SCHIP1: variants seen among roughly 807,000 people sequenced by gnomAD.
The protein encoded by SCHIP1 is schwannomin-interacting protein 1.
Under a neutral mutation model 29.7 loss-of-function variants are expected in SCHIP1, and 8 were observed. That is an observed-to-expected ratio of 0.27 (90% CI 0.16 to 0.49). SCHIP1 has a LOEUF of 0.49. Ranked by LOEUF, SCHIP1 falls within the 20% of genes least tolerant of loss-of-function variation. SCHIP1 has a pLI of 0.99. For synonymous variants in SCHIP1, 76 were observed against 94.9 expected (o/e 0.80, Z 1.16); for missense variants, 193 against 294.6 (o/e 0.66, Z 2.52).
chr3:159,452,479 C>G, the SCHIP1 span, among the ~76,000 whole-genome samples: 214 of 152,320 alleles, frequency 1.4e-3, no homozygotes, highest in African/African-American at 4.9e-3. Context: ...AGGACATGAA[C>G]TCATTCTTTT....
the SCHIP1 span, among the ~76,000 whole-genome samples, chr3:159,345,554 T>TTC: frequency 3.7e-3 from 349 of 93,478 alleles, 2 homozygotes; most frequent in Middle Eastern, 0.02. Context: ...GTGTCTCTCT[T>TTC]TCTCTCTCTC....
chr3:159,289,646 T>C, the SCHIP1 span, among the ~76,000 whole-genome samples: 2 of 152,196 alleles, frequency 1.3e-5, no homozygotes, highest in Non-Finnish European at 1.5e-5. Flanking sequence ...ATTTTACTTG[T>C]TTATATTGTT....
At chr3:159,543,631 G>T in the SCHIP1 span, among the ~76,000 whole-genome samples, 1 of 151,458 alleles carries the variant, frequency 6.6e-6, no homozygotes, top group Non-Finnish European at 1.5e-5. Context: ...TGGACATTTG[G>T]GTTGGTTCCA....
At chr3:159,294,927 A>G in the SCHIP1 span, among the ~76,000 whole-genome samples, 2 of 152,102 alleles carry the variant, frequency 1.3e-5, no homozygotes, top group African/African-American at 4.8e-5. Flanking sequence ...CTTAGAGTGG[A>G]TCAGAATCAG....
chr3:159,307,970 C>T, the SCHIP1 span, among the ~76,000 whole-genome samples: 7 of 152,004 alleles, frequency 4.6e-5, no homozygotes, highest in Non-Finnish European at 5.9e-5. Context: ...GTTTTGGTTA[C>T]GGTGGCTTTA....
the SCHIP1 span, among the ~76,000 whole-genome samples, chr3:159,549,399 C>T: frequency 3.3e-5 from 5 of 152,212 alleles, no homozygotes; most frequent in Middle Eastern, 3.4e-3. Flanking sequence ...CTAACCTCCT[C>T]GTGTGGCTTT....
the SCHIP1 span, among the ~76,000 whole-genome samples, chr3:159,503,536 G>T: frequency 4.7e-4 from 71 of 152,226 alleles, no homozygotes; most frequent in African/African-American, 1.6e-3. Context: ...GACAGTAAAA[G>T]CCATGAGGGG....
chr3:159,634,338 G>T, the SCHIP1 span, among the ~76,000 whole-genome samples: 14 of 152,072 alleles, frequency 9.2e-5, no homozygotes, highest in African/African-American at 3.4e-4. Flanking sequence ...AAGAAAAAAA[G>T]AAATAAACTA....
the SCHIP1 span, among the ~76,000 whole-genome samples, chr3:159,552,433 G>A: frequency 1.3e-5 from 2 of 151,868 alleles, no homozygotes; most frequent in Admixed American, 1.3e-4. Flanking sequence ...TTACTCTCTG[G>A]AAATGAATGA....
chr3:159,771,075 ATG>A, the SCHIP1 span, among the ~76,000 whole-genome samples: 3 of 152,220 alleles, frequency 2.0e-5, no homozygotes, highest in Admixed American at 1.3e-4. Context: ...CTTGAAAATA[ATG>A]TGTCTTTTTA....
chr3:159,396,013 G>T, the SCHIP1 span, among the ~76,000 whole-genome samples: 1 of 151,772 alleles, frequency 6.6e-6, no homozygotes, highest in African/African-American at 2.4e-5. Flanking sequence ...CCTGTGTTGG[G>T]TGCATATATA....
the SCHIP1 span, among the ~76,000 whole-genome samples, chr3:159,604,495 TCTGTGCCAGGCA>T: frequency 5.3e-5 from 8 of 152,186 alleles, no homozygotes; most frequent in Non-Finnish European, 1.2e-4. Context: ...GAGTGGCTTC[TCTGTGCCAGGCA>T]CTGTGCCAGG....
chr3:159,691,500 C>T, the SCHIP1 span, among the ~76,000 whole-genome samples: 1 of 150,094 alleles, frequency 6.7e-6, no homozygotes, highest in African/African-American at 2.5e-5. Context: ...TATCTTTGCA[C>T]CTGAGATGGG....
chr3:159,487,403 C>T, the SCHIP1 span, among the ~76,000 whole-genome samples: 1 of 151,998 alleles, frequency 6.6e-6, no homozygotes, highest in African/African-American at 2.4e-5. Context: ...TTTGGATGTT[C>T]CCCACATTGG....
the SCHIP1 span, among the ~76,000 whole-genome samples, chr3:159,735,286 G>A: frequency 6.6e-6 from 1 of 150,698 alleles, no homozygotes. Flanking sequence ...CTGGAGTGCA[G>A]TGGTGTTATC....
At chr3:159,863,210 C>T (rs144981966) in intron 1 of SCHIP1, among the ~76,000 whole-genome samples, 2 of 152,052 alleles carry the variant, frequency 1.3e-5, no homozygotes, top group African/African-American at 2.4e-5. Flanking sequence ...CGTAGTGGCG[C>T]GAGCCTGTAG....
chr3:159,497,690 G>A, the SCHIP1 span, among the ~76,000 whole-genome samples: 1 of 151,814 alleles, frequency 6.6e-6, no homozygotes, highest in Non-Finnish European at 1.5e-5. Context: ...AGCGAAAGAG[G>A]AAGAATGGAA....
At chr3:159,844,828 T>G (rs901158355) in intron 1 of SCHIP1, among the ~76,000 whole-genome samples, 2 of 152,224 alleles carry the variant, frequency 1.3e-5, no homozygotes, top group African/African-American at 4.8e-5. Context: ...TTAAATTCCC[T>G]TATGACCGCC....
chr3:159,775,577 A>T, the SCHIP1 span, among the ~76,000 whole-genome samples: 1 of 152,182 alleles, frequency 6.6e-6, no homozygotes, highest in Non-Finnish European at 1.5e-5. Flanking sequence ...GTCCCTAAGA[A>T]AGTGGCTCAT....
Sources: allele counts gnomAD v4.1 joint callset (sites outside exome capture counted in the v4.1 genomes callset), GRCh38; gene constraint gnomAD v4.1.1; transcripts MANE v1.5; gene names NCBI Gene and HGNC (gene_info 2026-07-23, HGNC 2026-07-21).